TACR3: variants seen among roughly 807,000 people sequenced by gnomAD.
TACR3 encodes tachykinin receptor 3, also known as neuromedin-K receptor.
In TACR3, 34 loss-of-function variants were observed where a neutral mutation model predicts 35.0. The observed-to-expected ratio is 0.97, with a 90% CI of 0.74 to 1.30. TACR3 has a LOEUF of 1.30. Among genes scored for constraint, TACR3 ranks in the 50% most tolerant of loss-of-function variants. TACR3 has a pLI of 0.00. For synonymous variants in TACR3, 233 were observed against 221.1 expected (o/e 1.05, Z -0.48); for missense variants, 558 against 591.7 (o/e 0.94, Z 0.59).
intron 2 of TACR3, 44 bp from the exon 3 acceptor site, chr4:103,656,388 T>G (rs200214981): frequency 1.9e-6 from 3 of 1,592,680 alleles, no homozygotes; most frequent in Non-Finnish European, 1.7e-6. Context: ...CTTATTGGAA[T>G]GAAATATTGG....
rs549132850 is a variant in TACR3 at position 103,675,220 on chromosome 4, A to C, written c.549-16817T>G. ...AATGCTTGGATCTTGAAATGTCCTC[A>C]TAATGAGTTTCCCTGCTGTGGCTCT... On this transcript the variant is annotated intron_variant, in intron 1 of 4. Transcript: ENST00000304883. Among the ~76,000 whole-genome samples the C allele has an allele frequency of 2.2e-4, 34 of 152,302 alleles. No homozygotes were observed. The South Asian group carries it at 4.6e-3, about 20-fold the overall frequency.
chr4:103,608,604 TGGA>T (rs1293812945), intron 3 of TACR3, among the ~76,000 whole-genome samples: 1 of 152,116 alleles, frequency 6.6e-6, no homozygotes, highest in East Asian at 1.9e-4. Flanking sequence ...GGACATAGAT[TGGA>T]AGCTGGGTGG....
intron 3 of TACR3, among the ~76,000 whole-genome samples, chr4:103,616,576 A>C (rs967426027): frequency 1.4e-5 from 2 of 146,866 alleles, no homozygotes; most frequent in African/African-American, 5.1e-5. Flanking sequence ...CTTAAATGCT[A>C]TGCCTAAAAT....
At chr4:103,697,802 T>A (rs1264610762) in intron 1 of TACR3, among the ~76,000 whole-genome samples, 3 of 152,182 alleles carry the variant, frequency 2.0e-5, no homozygotes, top group African/African-American at 7.2e-5. Context: ...CTTGATAACT[T>A]TTAATGCAAA....
At chr4:103,636,528 A>G (rs1446796830) in intron 3 of TACR3, among the ~76,000 whole-genome samples, 1 of 152,014 alleles carries the variant, frequency 6.6e-6, no homozygotes, top group Non-Finnish European at 1.5e-5. Flanking sequence ...ACAATAATAC[A>G]ATTCAGTGGT....
chr4:103,693,041 CACAAT>C (rs924233695), intron 1 of TACR3, among the ~76,000 whole-genome samples: 3 of 152,110 alleles, frequency 2.0e-5, no homozygotes, highest in Non-Finnish European at 4.4e-5. Context: ...ACAAATTCTC[CACAAT>C]ACTGCCACTA....
In TACR3 at chr4:103,695,711, CTGTGTG is replaced by C. The variant is rs10603685; in HGVS notation, c.548+23411_548+23416del. ...ACAGAATATAGATATGTCTCTCTCT[CTGTGTG>C]TGTGTGTGTGTGTGTGTGTGTGTGT... On this transcript the variant is annotated intron_variant, in intron 1 of 4. Transcript: ENST00000304883. 5.2e-3 allele frequency among the ~76,000 whole-genome samples: 767 copies of C among 146,186 alleles called. 7 individuals are homozygous for C. Among genetic ancestry groups the C allele is most frequent in the African/African-American group, 0.018 (706 of 40,206 alleles).
intron 1 of TACR3, among the ~76,000 whole-genome samples, chr4:103,688,831 G>T (rs960868634): frequency 3.3e-5 from 5 of 152,162 alleles, no homozygotes; most frequent in Admixed American, 1.3e-4. Flanking sequence ...CATTGTGGAA[G>T]GCAGTGTGGC....
intron 3 of TACR3, among the ~76,000 whole-genome samples, chr4:103,605,674 TG>T (rs1409196114): frequency 3.3e-5 from 5 of 152,130 alleles, no homozygotes; most frequent in African/African-American, 1.2e-4. Flanking sequence ...TCGATGGGGT[TG>T]TTTTTTTCTT....
At position 103,687,502 on chromosome 4, in the gene TACR3, T is replaced by C. The variant is rs1298469830; in HGVS notation, c.549-29099A>G. Among the ~76,000 whole-genome samples the C allele has an allele frequency of 6.6e-5, 10 of 152,148 alleles. No individual in the cohort carries two copies. The South Asian group carries it at 1.2e-3, about 19-fold the overall frequency. ...TGATTGTATATCTAGAAAACCCCAT[T>C]GTCTCAGCCCAAAATCTCCTTAAGC... On this transcript the variant is annotated intron_variant, in intron 1 of 4. Coordinates refer to ENST00000304883, the MANE Select transcript of TACR3 (RefSeq NM_001059.3).
chr4:103,625,307 G>T (rs894156660), intron 3 of TACR3, among the ~76,000 whole-genome samples: 3 of 152,088 alleles, frequency 2.0e-5, no homozygotes, highest in Non-Finnish European at 4.4e-5. Flanking sequence ...TCTCTTGGTG[G>T]GAAGTAGGTG....
At chr4:103,597,693 G>A (rs1461460443) in intron 3 of TACR3, among the ~76,000 whole-genome samples, 6 of 151,546 alleles carry the variant, frequency 4.0e-5, no homozygotes, top group African/African-American at 1.5e-4. Context: ...CTGTGAGTGA[G>A]AACATGCAGT....
At chr4:103,654,197 G>C (rs1447270139) in intron 3 of TACR3, among the ~76,000 whole-genome samples, 2 of 151,702 alleles carry the variant, frequency 1.3e-5, no homozygotes, top group Non-Finnish European at 2.9e-5. Context: ...CCATTACTGG[G>C]TATATACCCA....
intron 3 of TACR3, among the ~76,000 whole-genome samples, chr4:103,640,473 G>A (rs1431209609): frequency 6.6e-6 from 1 of 151,908 alleles, no homozygotes; most frequent in Non-Finnish European, 1.5e-5. Context: ...TTTCATTTGA[G>A]AAATGTCTGT....
At chr4:103,713,780 C>T (rs1163532191) in intron 1 of TACR3, among the ~76,000 whole-genome samples, 2 of 152,002 alleles carry the variant, frequency 1.3e-5, no homozygotes, top group African/African-American at 4.8e-5. Flanking sequence ...TAGTATAAAG[C>T]AACTTTTGCA....
At chr4:103,611,114 T>C (rs925734511) in intron 3 of TACR3, among the ~76,000 whole-genome samples, 2 of 152,176 alleles carry the variant, frequency 1.3e-5, no homozygotes, top group East Asian at 3.8e-4. Context: ...GGGTCTTTTA[T>C]AATTTCATGA....
At position 103,589,973 on chromosome 4, in the gene TACR3, T is replaced by C. The variant is rs750329798; in HGVS notation, c.1107A>G (p.Arg369=). ...LNKRFRAGFK[R]AFRWCPFIKV... ...TGATGAAAGGACACCAGCGAAATGCTCTCTTGAAGCCAGCTCGAAATCTGA... is the reference window on the plus strand; with the variant it reads ...TGATGAAAGGACACCAGCGAAATGCCCTCTTGAAGCCAGCTCGAAATCTGA... Residue 369 remains arginine (R), a synonymous_variant, in exon 5 of 5, where the codon AGA becomes AGG. Transcript: ENST00000304883. 6.8e-6 allele frequency: 11 copies of C among 1,613,586 alleles called. No individual in the cohort carries two copies. The Admixed American group carries it at 1.8e-4, about 27-fold the overall frequency.
At chr4:103,606,380 A>G (rs976803085) in intron 3 of TACR3, among the ~76,000 whole-genome samples, 1 of 152,140 alleles carries the variant, frequency 6.6e-6, no homozygotes, top group Non-Finnish European at 1.5e-5. Context: ...TGGTAGTTGG[A>G]TGGGGATGGC....
intron 3 of TACR3, among the ~76,000 whole-genome samples, chr4:103,599,695 TG>T (rs1167752593): frequency 6.6e-6 from 1 of 152,208 alleles, no homozygotes; most frequent in African/African-American, 2.4e-5. Context: ...AGGCCTTTTC[TG>T]CATCTATTGA....
Sources: gnomAD v4.1 joint callset for allele counts (sites outside exome capture counted in the v4.1 genomes callset) on GRCh38, gnomAD v4.1.1 for gene constraint, MANE v1.5 for transcripts, NCBI Gene and HGNC (gene_info 2026-07-23, HGNC 2026-07-21) for gene names.